PPM1K: variants seen among roughly 807,000 people sequenced by gnomAD.
The protein encoded by PPM1K is protein phosphatase, Mg2+/Mn2+ dependent 1K.
PPM1K carries 19 observed loss-of-function variants against 32.6 expected under a neutral mutation model. The ratio of observed to expected loss-of-function variants is 0.58; its 90% confidence interval spans 0.41 to 0.86. PPM1K has a LOEUF of 0.86. Among genes scored for constraint, PPM1K ranks in the 40% least tolerant of loss-of-function variants. The probability of loss-of-function intolerance (pLI) is 0.00; values close to 1 mark genes in which losing one functional copy is unlikely to be tolerated. For synonymous variants in PPM1K, 159 were observed against 165.3 expected (o/e 0.96, Z 0.29); for missense variants, 362 against 461.2 (o/e 0.78, Z 1.97).
At chr4:88,266,977 TG>T (rs901289525) in intron 5 of PPM1K, among the ~76,000 whole-genome samples, 3 of 149,246 alleles carry the variant, frequency 2.0e-5, no homozygotes, top group Admixed American at 6.6e-5. Flanking sequence ...TGATGCTGAT[TG>T]GATGCAGGTG....
chr4:88,284,043 C>T (rs190154675), intron 1 of PPM1K: 1 of 152,218 alleles, frequency 6.6e-6, no homozygotes, highest in Admixed American at 6.5e-5. Context: ...GCAAGGGTCT[C>T]CAGTCCCAGC....
intron 1 of PPM1K, among the ~76,000 whole-genome samples, chr4:88,280,427 G>C (rs1037616139): frequency 1.3e-5 from 2 of 152,186 alleles, no homozygotes; most frequent in African/African-American, 2.4e-5. Flanking sequence ...AACATTGTTG[G>C]GGGGTTGGAG....
At position 88,262,354 on chromosome 4, in the gene PPM1K, C is replaced by T. The variant is rs1731150013; in HGVS notation, c.*241G>A. The stretch of plus-strand genomic sequence containing the variant: ...TCATCTCTCATCAAGTGTATCCAAA[C>T]CACTTCTCATTTGCTCTTTCCATTT... On this transcript the variant is annotated 3_prime_UTR_variant, in exon 7 of 7. Coordinates refer to ENST00000608933, the MANE Select transcript of PPM1K (RefSeq NM_152542.5). 2.9e-6 allele frequency: 1 copy of T among 350,680 alleles called. No homozygotes were observed. Among genetic ancestry groups the T allele is most frequent in the African/African-American group, 2.1e-5 (1 of 47,282 alleles). 21.7% of individuals were successfully genotyped at this position (350,680 alleles called of 1,614,324 possible). A position where few individuals can be genotyped will look rare whatever the true frequency, so the allele number is the denominator to read the frequency against.
intron 3 of PPM1K, chr4:88,275,610 T>C (rs1731734067): frequency 3.0e-6 from 3 of 985,242 alleles, no homozygotes; most frequent in South Asian, 4.7e-5. Flanking sequence ...GACATTCTCA[T>C]CCAAAAACCT....
chr4:88,266,943 C>T (rs550879015), intron 5 of PPM1K, among the ~76,000 whole-genome samples: 2 of 133,700 alleles, frequency 1.5e-5, no homozygotes, highest in East Asian at 4.7e-4. Context: ...TGACTGGGTG[C>T]AGGTGCTGCT....
At chr4:88,264,295 A>G (rs1402464879) in intron 6 of PPM1K, among the ~76,000 whole-genome samples, 6 of 152,250 alleles carry the variant, frequency 3.9e-5, no homozygotes, top group Non-Finnish European at 1.5e-5. Context: ...AATATTTTAA[A>G]TAATACGAAG....
chr4:88,275,406 A>T, intron 3 of PPM1K: 1 of 983,150 alleles, frequency 1.0e-6, no homozygotes, highest in South Asian at 4.7e-5. Context: ...AGGCAAGTTA[A>T]TTAAATTCTT....
chr4:88,272,240 C>CT (rs771499846), intron 3 of PPM1K, among the ~76,000 whole-genome samples: 5 of 151,610 alleles, frequency 3.3e-5, no homozygotes, highest in East Asian at 3.9e-4. Flanking sequence ...TCAATGCTCT[C>CT]TTTTTTTTTC....
intron 3 of PPM1K, chr4:88,276,906 G>C: frequency 1.2e-6 from 1 of 848,016 alleles, no homozygotes; most frequent in Non-Finnish European, 1.6e-6. Flanking sequence ...CTGTTTCGGG[G>C]CTTCTCTTTC....
At chr4:88,275,722 C>T (rs1392543466) in intron 3 of PPM1K, 1 of 985,342 alleles carries the variant, frequency 1.0e-6, no homozygotes, top group Non-Finnish European at 1.2e-6. Context: ...GCACAGCCAA[C>T]TCAGTTACTA....
intron 5 of PPM1K, among the ~76,000 whole-genome samples, chr4:88,267,146 G>T (rs1278891884): frequency 6.6e-6 from 1 of 150,802 alleles, no homozygotes; most frequent in Non-Finnish European, 1.5e-5. Context: ...GGGTGATGCT[G>T]GCTGATTGGG....
intron 5 of PPM1K, among the ~76,000 whole-genome samples, chr4:88,267,800 T>C (rs1192015637): frequency 1.3e-5 from 2 of 152,262 alleles, no homozygotes; most frequent in Non-Finnish European, 1.5e-5. Context: ...TCTATGGCTA[T>C]TTAAATACAA....
intron 6 of PPM1K, among the ~76,000 whole-genome samples, chr4:88,263,046 C>G (rs1187543259): frequency 6.6e-6 from 1 of 152,110 alleles, no homozygotes; most frequent in African/African-American, 2.4e-5. Context: ...ATGAAGATAC[C>G]TGTAAAGCAT....
At chr4:88,279,500 A>G (rs1049042006) in intron 1 of PPM1K, 8 of 152,198 alleles carry the variant, frequency 5.3e-5, no homozygotes, top group Admixed American at 5.2e-4. Context: ...TTTCTGAACG[A>G]GTGATCTATA....
chr4:88,268,287 G>A lies in PPM1K; in HGVS notation c.755C>T (p.Pro252Leu), dbSNP rs751936433. The A allele has an allele frequency of 1.2e-6, 2 of 1,614,096 alleles. No homozygotes were observed. The highest frequency in any genetic ancestry group is 4.5e-5 in the East Asian group (2 of 44,886). ...CATTGCAAGCCTGCCATTTACGTGA[G>A]GCTGCCCCAAACTATTCCAAGCTAC... ...GFVAWNSLGQ[P>L]HVNGRLAMTR... Residue 252 changes from proline to leucine, a missense_variant, in exon 5 of 7, where the codon CCT becomes CTT. By Grantham distance (98) the Pro-to-Leu change is moderately conservative. Coordinates refer to ENST00000608933, the MANE Select transcript of PPM1K (RefSeq NM_152542.5).
At chr4:88,267,669 C>A (rs907376864) in intron 5 of PPM1K, among the ~76,000 whole-genome samples, 3 of 152,164 alleles carry the variant, frequency 2.0e-5, no homozygotes, top group African/African-American at 7.2e-5. Context: ...TGTTTATTGG[C>A]CCAGAGAAGG....
intron 3 of PPM1K, among the ~76,000 whole-genome samples, chr4:88,273,699 A>T (rs1401265044): frequency 6.6e-6 from 1 of 151,916 alleles, no homozygotes; most frequent in Admixed American, 6.6e-5. Context: ...AAAAAAGAAA[A>T]AGAAAAGGGC....
At chr4:88,274,711 T>C (rs867167571) in intron 3 of PPM1K, among the ~76,000 whole-genome samples, 4 of 152,312 alleles carry the variant, frequency 2.6e-5, no homozygotes, top group Middle Eastern at 3.4e-3. Context: ...AATAATAACT[T>C]TGAAATTTAA....
intron 3 of PPM1K, among the ~76,000 whole-genome samples, chr4:88,271,896 T>G (rs1404108881): frequency 1.3e-5 from 2 of 152,214 alleles, no homozygotes; most frequent in African/African-American, 2.4e-5. Flanking sequence ...TTAATTTAAA[T>G]TCATTGCTTA....
Sources: allele counts gnomAD v4.1 joint callset (sites outside exome capture counted in the v4.1 genomes callset), GRCh38; gene constraint gnomAD v4.1.1; transcripts MANE v1.5; gene names NCBI Gene and HGNC (gene_info 2026-07-23, HGNC 2026-07-21).